The following GPC6 variants were observed in gnomAD, a reference collection of about 807,000 sequenced individuals.
The protein encoded by GPC6 is glypican-6.
GPC6 carries 14 observed loss-of-function variants against 55.2 expected under a neutral mutation model. The ratio of observed to expected loss-of-function variants is 0.25; its 90% CI spans 0.17 to 0.40. The LOEUF is 0.40. Ranked by LOEUF, GPC6 falls within the 10% of genes least tolerant of loss-of-function variation. GPC6 has a pLI of 1.00. For synonymous variants in GPC6, 278 were observed against 259.6 expected (o/e 1.07, Z -0.68); for missense variants, 641 against 708.5 (o/e 0.90, Z 1.08).
chr13:93,955,448 A>G (rs970302826), intron 3 of GPC6, among the ~76,000 whole-genome samples: 66 of 152,158 alleles, frequency 4.3e-4, no homozygotes, highest in African/African-American at 1.5e-3. Context: ...TCAATCACAC[A>G]TGCTCATTAA....
chr13:93,489,750 A>G (rs1879884938), intron 1 of GPC6, among the ~76,000 whole-genome samples: 2 of 151,216 alleles, frequency 1.3e-5, no homozygotes, highest in African/African-American at 2.4e-5. Flanking sequence ...ATGGGAGTTC[A>G]CTCATGATTT....
chr13:94,288,907 ATATTT>A (rs2139089047), intron 5 of GPC6, among the ~76,000 whole-genome samples: 3 of 130,976 alleles, frequency 2.3e-5, no homozygotes, highest in African/African-American at 8.3e-5. Context: ...AAATATATAT[ATATTT>A]GTTATATATA....
upstream of GPC6, among the ~76,000 whole-genome samples, chr13:93,222,412 C>T (rs929262124): frequency 1.3e-5 from 2 of 152,212 alleles, no homozygotes; most frequent in Non-Finnish European, 2.9e-5. Flanking sequence ...TCTGCCCCTT[C>T]CACATACAGT....
chr13:93,790,284 A>T lies in GPC6; in HGVS notation c.320-39870A>T, dbSNP rs145040569. On this transcript the variant is annotated intron_variant, in intron 2 of 8. Transcript: ENST00000377047. ...TCTTGAATTGAGGAGTTGTTTCCCAATGGGAAATCTACATTTCATTATTAT... is the reference window on the plus strand; with the variant it reads ...TCTTGAATTGAGGAGTTGTTTCCCATTGGGAAATCTACATTTCATTATTAT... Among the ~76,000 whole-genome samples the T allele has an allele frequency of 3.2e-4, 48 of 152,284 alleles. No homozygotes were observed. The East Asian group carries it at 9.1e-3, about 29-fold the overall frequency.
At chr13:93,330,209 C>T (rs1271239357) in intron 1 of GPC6, among the ~76,000 whole-genome samples, 1 of 152,116 alleles carries the variant, frequency 6.6e-6, no homozygotes, top group Non-Finnish European at 1.5e-5. Context: ...AATAGTAGAG[C>T]CTACTGTTCA....
chr13:93,975,850 G>T (rs1289899341), intron 3 of GPC6, among the ~76,000 whole-genome samples: 1 of 151,990 alleles, frequency 6.6e-6, no homozygotes, highest in Non-Finnish European at 1.5e-5. Context: ...TATAAATATG[G>T]CCAGCTTTAG....
At chr13:93,440,105 CT>C (rs1435330996) in intron 1 of GPC6, among the ~76,000 whole-genome samples, 1 of 152,180 alleles carries the variant, frequency 6.6e-6, no homozygotes, top group African/African-American at 2.4e-5. Flanking sequence ...ATAATTTAGA[CT>C]GTAATTTTAT....
chr13:94,312,983 A>G (rs1226878241), intron 6 of GPC6, among the ~76,000 whole-genome samples: 2 of 152,134 alleles, frequency 1.3e-5, no homozygotes, highest in Admixed American at 6.5e-5. Flanking sequence ...TGCTTTATCT[A>G]TTTGCTGCGA....
At position 93,602,695 on chromosome 13, in the gene GPC6, C is replaced by A. The variant is rs557843103; in HGVS notation, c.319+57274C>A. 2.6e-5 allele frequency among the ~76,000 whole-genome samples: 4 copies of A among 152,186 alleles called. 1 individual carries two copies. In the South Asian group the frequency reaches 8.3e-4, roughly 32 times the overall value. On this transcript the variant is annotated intron_variant, in intron 2 of 8. Transcript: ENST00000377047. The stretch of plus-strand genomic sequence containing the variant: ...AAATATAAAATATGGATGCAAGACC[C>A]AAATACATACATGGCATACTTCTTT...
chr13:93,851,844 G>T (rs1594523491), intron 3 of GPC6, among the ~76,000 whole-genome samples: 1 of 151,694 alleles, frequency 6.6e-6, no homozygotes, highest in Admixed American at 6.6e-5. Context: ...TGAAATTCTA[G>T]GTCACTGAGC....
chr13:93,249,507 G>T (rs924929344), intron 1 of GPC6, among the ~76,000 whole-genome samples: 1 of 152,176 alleles, frequency 6.6e-6, no homozygotes, highest in African/African-American at 2.4e-5. Flanking sequence ...CCTTTAAAAG[G>T]TTTGGTCTGT....
intron 4 of GPC6, 92 bp from the exon 5 acceptor site, chr13:94,286,257 T>A: frequency 7.4e-7 from 1 of 1,359,264 alleles, no homozygotes. Context: ...GCACCATTAT[T>A]TTTCATCCAG....
chr13:93,450,610 A>G (rs1878186985), intron 1 of GPC6: 4 of 244,920 alleles, frequency 1.6e-5, no homozygotes, highest in Admixed American at 6.5e-5. Context: ...TGCACTTTGC[A>G]TAGAAGAGAT....
chr13:93,678,369 TA>T (rs1418222340), intron 2 of GPC6, among the ~76,000 whole-genome samples: 1 of 152,194 alleles, frequency 6.6e-6, no homozygotes, highest in Non-Finnish European at 1.5e-5. Context: ...AGTATTTTGC[TA>T]TGATACACAA....
At chr13:93,512,380 G>A (rs950672978) in intron 1 of GPC6, among the ~76,000 whole-genome samples, 2 of 151,968 alleles carry the variant, frequency 1.3e-5, no homozygotes, top group South Asian at 4.1e-4. Context: ...TAATCCTAAA[G>A]GGATATTGAA....
At chr13:94,267,792 G>A (rs1321145356) in intron 4 of GPC6, among the ~76,000 whole-genome samples, 2 of 152,150 alleles carry the variant, frequency 1.3e-5, no homozygotes, top group Non-Finnish European at 2.9e-5. Flanking sequence ...TAGTGCTCCC[G>A]TAGAAACGCA....
At chr13:93,427,207 A>C (rs1215407237) in intron 1 of GPC6, among the ~76,000 whole-genome samples, 1 of 152,092 alleles carries the variant, frequency 6.6e-6, no homozygotes, top group Non-Finnish European at 1.5e-5. Context: ...TGCCATCTCC[A>C]TCAAGCTACC....
intron 1 of GPC6, among the ~76,000 whole-genome samples, chr13:93,273,624 C>T (rs1433265276): frequency 6.6e-6 from 1 of 152,046 alleles, no homozygotes; most frequent in Admixed American, 6.6e-5. Flanking sequence ...CGCCACTGCA[C>T]TCCAGCCTGG....
At chr13:94,011,891 G>C (rs773317718) in intron 3 of GPC6, among the ~76,000 whole-genome samples, 15 of 152,184 alleles carry the variant, frequency 9.9e-5, no homozygotes, top group Non-Finnish European at 1.6e-4. Flanking sequence ...AGCAGTGCCA[G>C]CACATGGTGA....
Sources: gnomAD v4.1 joint callset for allele counts (sites outside exome capture counted in the v4.1 genomes callset) on GRCh38, gnomAD v4.1.1 for gene constraint, MANE v1.5 for transcripts, NCBI Gene and HGNC (gene_info 2026-07-23, HGNC 2026-07-21) for gene names.